The following KDM2B variants were observed in gnomAD, a reference collection of about 807,000 sequenced individuals.
KDM2B encodes the protein lysine-specific demethylase 2B.
In KDM2B, 26 loss-of-function variants were observed where a neutral mutation model predicts 150.0. The observed-to-expected ratio is 0.17, with a 90% CI of 0.13 to 0.24. The LOEUF is 0.24. KDM2B is among the 10% of genes least tolerant of loss of function. KDM2B has a pLI of 1.00. For synonymous variants in KDM2B, 734 were observed against 729.5 expected (o/e 1.01, Z -0.10); for missense variants, 1,265 against 1,816.9 (o/e 0.70, Z 5.52).
Position 121,446,222 on chromosome 12 carries a change from C to T in KDM2B, c.1960-804G>A, listed in dbSNP as rs868991638. On this transcript the variant is annotated intron_variant, in intron 13 of 22. Coordinates refer to ENST00000377071, the MANE Select transcript of KDM2B (RefSeq NM_032590.5). Reference sequence around the variant, plus strand: ...CATCCCGGCTACCACGGTGAAACCCCGTCTCTACTAAAAATACAAAAAGAA... The same window carrying T: ...CATCCCGGCTACCACGGTGAAACCCTGTCTCTACTAAAAATACAAAAAGAA... Among the ~76,000 whole-genome samples the T allele has an allele frequency of 4.2e-4, 64 of 152,240 alleles. 1 individual carries two copies. Among genetic ancestry groups the T allele is most frequent in the Middle Eastern group, 6.8e-3 (2 of 294 alleles).
chr12:121,485,781 C>CT (rs201999551), intron 12 of KDM2B, among the ~76,000 whole-genome samples: 1,745 of 146,098 alleles, frequency 0.012, 14 homozygotes, highest in Middle Eastern at 0.021. Flanking sequence ...GAAATGATAA[C>CT]TTTTTTTTTT....
At chr12:121,579,135 A>AG (rs1555317436) in intron 1 of KDM2B, among the ~76,000 whole-genome samples, 189 bp from the exon 2 acceptor site, 1 of 152,236 alleles carries the variant, frequency 6.6e-6, no homozygotes, top group African/African-American at 2.4e-5. Context: ...CCGCACCCCG[A>AG]GGGTCCAGCT....
At chr12:121,505,678 C>G (rs1885004762) in intron 11 of KDM2B, among the ~76,000 whole-genome samples, 1 of 152,166 alleles carries the variant, frequency 6.6e-6, no homozygotes, top group Non-Finnish European at 1.5e-5. Context: ...TGAGCCACCA[C>G]AAGCAGCAGC....
intron 1 of KDM2B, among the ~76,000 whole-genome samples, chr12:121,579,456 G>A (rs1253080416): frequency 1.3e-5 from 2 of 152,150 alleles, no homozygotes; most frequent in African/African-American, 4.8e-5. Flanking sequence ...TACCGGGGAA[G>A]CTGGAAAGCT....
In KDM2B at chr12:121,494,565, A is replaced by T. The variant is rs1883711668; in HGVS notation, c.1734+14T>A. ...TGGGAAGCGGCCGCCCGCTGCAGGC[A>T]GGCTGCGTCTTACCTTTGGAGTCTT... On this transcript the variant is annotated intron_variant, in intron 12 of 22. Transcript: ENST00000377071. 6.2e-7 allele frequency: 1 copy of T among 1,607,458 alleles called. No individual in the cohort carries two copies.
chr12:121,563,741 A>G (rs1890505791), intron 4 of KDM2B, among the ~76,000 whole-genome samples: 1 of 152,076 alleles, frequency 6.6e-6, no homozygotes, highest in South Asian at 2.1e-4. Flanking sequence ...CAACGTGGTG[A>G]AACTCCGTCT....
intron 1 of KDM2B, 70 bp from the exon 2 acceptor site, chr12:121,579,016 C>T (rs1555317416): frequency 6.5e-7 from 1 of 1,527,626 alleles, no homozygotes; most frequent in Non-Finnish European, 8.9e-7. Context: ...CAACCTGGGC[C>T]CAGCACTAAC....
At chr12:121,494,995 TTTTC>T (rs1293731971) in intron 11 of KDM2B, among the ~76,000 whole-genome samples, 1 of 147,666 alleles carries the variant, frequency 6.8e-6, no homozygotes, top group Non-Finnish European at 1.5e-5. Context: ...CACACAAACT[TTTTC>T]TTTTTTTTTT....
chr12:121,447,054 A>C (rs560014070), intron 13 of KDM2B, among the ~76,000 whole-genome samples: 2 of 152,300 alleles, frequency 1.3e-5, no homozygotes, highest in South Asian at 4.1e-4. Flanking sequence ...ATTGCAACTA[A>C]ACTTTAAAAA....
downstream of KDM2B, among the ~76,000 whole-genome samples, chr12:121,426,177 G>C (rs1203167048): frequency 6.6e-6 from 1 of 152,192 alleles, no homozygotes; most frequent in African/African-American, 2.4e-5. Context: ...GATTTATACA[G>C]TCTTAGTTTA....
chr12:121,556,998 G>A (rs1049674271), intron 4 of KDM2B, among the ~76,000 whole-genome samples: 11 of 151,926 alleles, frequency 7.2e-5, no homozygotes, highest in African/African-American at 2.2e-4. Context: ...AACAGTAGAC[G>A]CAGGGAAGGC....
intron 4 of KDM2B, among the ~76,000 whole-genome samples, chr12:121,568,848 T>C (rs1301016723): frequency 8.0e-6 from 1 of 125,348 alleles, no homozygotes; most frequent in African/African-American, 3.1e-5. Flanking sequence ...GTTACAGAAA[T>C]GGAAACTGCT....
At position 121,549,065 on chromosome 12, in the gene KDM2B, G is replaced by C. The variant is rs889669876; in HGVS notation, c.577-82C>G. 1.7e-6 allele frequency: 2 copies of C among 1,171,422 alleles called. No homozygotes were observed. Among genetic ancestry groups the C allele is most frequent in the Non-Finnish European group, 2.5e-6 (2 of 796,532 alleles). The allele number at this position is 1,171,422 out of a possible 1,614,324, so 72.6% of individuals were successfully genotyped here. The stretch of plus-strand genomic sequence containing the variant: ...TACCCCTTTCCCCGGAGAGTCCTTG[G>C]GCCCCCCCGCTCCCCCAATCTACTG... On this transcript the variant is annotated intron_variant, in intron 5 of 22. Coordinates refer to ENST00000377071, the MANE Select transcript of KDM2B (RefSeq NM_032590.5). The surrounding 1 kb of genome is among the most constrained non-coding windows in gnomAD (Gnocchi z 4.4).
chr12:121,417,816 T>C, the KDM2B span: 2 of 1,614,210 alleles, frequency 1.2e-6, no homozygotes, highest in Non-Finnish European at 1.7e-6. The surrounding 1 kb of genome is among the most constrained non-coding windows in gnomAD (Gnocchi z 5.0). Context: ...ACGTTCGTTT[T>C]TTTCAAACTA....
intron 9 of KDM2B, among the ~76,000 whole-genome samples, chr12:121,515,832 C>T (rs1566365100): frequency 6.6e-6 from 1 of 152,064 alleles, no homozygotes; most frequent in Non-Finnish European, 1.5e-5. Flanking sequence ...GGAATGGGAT[C>T]ATGGCCACCA....
intron 9 of KDM2B, among the ~76,000 whole-genome samples, chr12:121,517,415 C>T (rs1594026273): frequency 6.6e-6 from 1 of 151,798 alleles, no homozygotes. Context: ...CCCTGGGGTT[C>T]CCTAGTTTAG....
intron 6 of KDM2B, 49 bp from the exon 7 acceptor site, chr12:121,534,639 C>T (rs782108049): frequency 7.0e-7 from 1 of 1,425,844 alleles, no homozygotes; most frequent in South Asian, 1.2e-5. Flanking sequence ...ATCTAAATCA[C>T]AAGACGTAAG....
In KDM2B at chr12:121,532,865, C is replaced by A; in HGVS notation, c.872G>T (p.Arg291Leu). 1 of 1,614,182 alleles carries A rather than the reference C, an allele frequency of 6.2e-7. No homozygotes were observed. The highest frequency in any genetic ancestry group is 8.5e-7 in the Non-Finnish European group (1 of 1,180,000). ...CTCAATTCTTTGGCATCGTTCCACA[C>A]GGTCTCCCAGAAAGATGTCACTCTG... ...GKQSDIFLGD[R>L]VERCQRIELK... The change falls in exon 8 of 23, where the codon CGT becomes CTT. Residue 291 changes from arginine to leucine, a missense_variant. Around this residue, in one of 11 missense-constraint regions of KDM2B, gnomAD observed 214 missense variants for 447.4 expected, o/e 0.48. Coordinates refer to ENST00000377071, the MANE Select transcript of KDM2B (RefSeq NM_032590.5).
the KDM2B span, among the ~76,000 whole-genome samples, chr12:121,413,415 C>CTTTTTTT: frequency 7.7e-6 from 1 of 130,694 alleles, no homozygotes; most frequent in African/African-American, 3.2e-5. Context: ...TTTACCTGTC[C>CTTTTTTT]TTTTTTTTTT....
Sources: allele counts gnomAD v4.1 joint callset (sites outside exome capture counted in the v4.1 genomes callset), GRCh38; gene constraint gnomAD v4.1.1; regional missense constraint gnomAD v4.1.1; non-coding constraint Gnocchi (gnomAD v3.1); transcripts MANE v1.5; gene names NCBI Gene and HGNC (gene_info 2026-07-23, HGNC 2026-07-21).